The following BMPR2 variants were observed in gnomAD, a reference collection of about 807,000 sequenced individuals.
BMPR2 encodes bone morphogenetic protein receptor type 2.
A neutral mutation model predicts 100.8 loss-of-function variants in BMPR2; 29 were observed. That is an observed-to-expected ratio of 0.29 (90% CI 0.21 to 0.39). BMPR2 has a LOEUF of 0.39. Among genes scored for constraint, BMPR2 ranks in the 10% least tolerant of loss-of-function variants. The pLI is 1.00. For missense variants in BMPR2, 1,011 were observed against 1,274.5 expected, an observed-to-expected ratio of 0.79 and a Z score of 3.15; for synonymous variants, 382 against 442.3, an observed-to-expected ratio of 0.86 and a Z score of 1.71.
chr2:202,396,924 A>G (rs1307367294), intron 1 of BMPR2, among the ~76,000 whole-genome samples: 1 of 151,956 alleles, frequency 6.6e-6, no homozygotes, highest in African/African-American at 2.4e-5. Flanking sequence ...CAGCCTCCCA[A>G]GTAGCTGGGA....
chr2:202,392,678 A>T (rs992445457), intron 1 of BMPR2, among the ~76,000 whole-genome samples: 2 of 152,038 alleles, frequency 1.3e-5, no homozygotes, highest in African/African-American at 4.8e-5. Context: ...TAGTTGTTTG[A>T]GTTTCTAGCT....
At chr2:202,386,915 C>T (rs1690440840) in intron 1 of BMPR2, among the ~76,000 whole-genome samples, 1 of 152,136 alleles carries the variant, frequency 6.6e-6, no homozygotes, top group East Asian at 1.9e-4. Flanking sequence ...AATCTCCTGA[C>T]CTCGTGATCT....
At chr2:202,450,817 A>G (rs34758780) in intron 1 of BMPR2, among the ~76,000 whole-genome samples, 18,062 of 152,034 alleles carry the variant, frequency 0.12, 1,190 homozygotes, top group Admixed American at 0.14. Context: ...ATTATGTTAG[A>G]TTAAGATACT....
chr2:202,480,941 C>T (rs1013140597), intron 3 of BMPR2, among the ~76,000 whole-genome samples: 6 of 123,800 alleles, frequency 4.8e-5, no homozygotes, highest in Admixed American at 3.1e-4. Flanking sequence ...GGCGACAGAC[C>T]GAGACTCCGT....
chr2:202,385,383 T>TTTTTTTTTTTTA (rs869095713), intron 1 of BMPR2, among the ~76,000 whole-genome samples: 1 of 145,728 alleles, frequency 6.9e-6, no homozygotes, highest in Non-Finnish European at 1.5e-5. Context: ...TTTTTTTTTT[T>TTTTTTTTTTTTA]GAGACGGAGT....
chr2:202,484,033 G>A (rs1407621567), intron 3 of BMPR2, among the ~76,000 whole-genome samples: 1 of 152,218 alleles, frequency 6.6e-6, no homozygotes, highest in African/African-American at 2.4e-5. Context: ...GTTTGAGGCT[G>A]CAGTGAGGTG....
chr2:202,478,256 C>T (rs147922185), intron 3 of BMPR2, among the ~76,000 whole-genome samples: 57 of 152,266 alleles, frequency 3.7e-4, no homozygotes, highest in African/African-American at 1.3e-3. Flanking sequence ...GGCTGTGATA[C>T]ACCTTCAGGA....
At chr2:202,479,110 A>G (rs558185160) in intron 3 of BMPR2, among the ~76,000 whole-genome samples, 1 of 152,314 alleles carries the variant, frequency 6.6e-6, no homozygotes, top group African/African-American at 2.4e-5. Flanking sequence ...AAGTGATGGT[A>G]TATCACTTCT....
intron 1 of BMPR2, among the ~76,000 whole-genome samples, chr2:202,433,786 T>C (rs2105932966): frequency 6.6e-6 from 1 of 150,522 alleles, no homozygotes; most frequent in African/African-American, 2.5e-5. Context: ...CGTGCGCCTG[T>C]AGTCCCAGCT....
intron 1 of BMPR2, among the ~76,000 whole-genome samples, chr2:202,389,837 T>G (rs1473258104): frequency 6.6e-6 from 1 of 151,786 alleles, no homozygotes; most frequent in Non-Finnish European, 1.5e-5. Flanking sequence ...GATGGGTTTT[T>G]CCATGTTGGT....
chr2:202,383,570 C>A (rs567050864), intron 1 of BMPR2, among the ~76,000 whole-genome samples: 1 of 151,684 alleles, frequency 6.6e-6, no homozygotes, highest in Non-Finnish European at 1.5e-5. Flanking sequence ...ATCCCAGCTA[C>A]TCGGGAGGCT....
chr2:202,411,167 A>T (rs930048451), intron 1 of BMPR2, among the ~76,000 whole-genome samples: 4 of 152,182 alleles, frequency 2.6e-5, no homozygotes, highest in Non-Finnish European at 5.9e-5. Flanking sequence ...ATACTTATTC[A>T]TTACAAAGGG....
intron 3 of BMPR2, among the ~76,000 whole-genome samples, chr2:202,499,624 CCT>C (rs1687333292): frequency 6.6e-6 from 1 of 152,152 alleles, no homozygotes; most frequent in South Asian, 2.1e-4. Context: ...AATATACTCC[CCT>C]GTCACCTGAA....
intron 1 of BMPR2, among the ~76,000 whole-genome samples, chr2:202,446,003 C>T (rs1174862919): frequency 1.3e-5 from 2 of 149,972 alleles, no homozygotes; most frequent in South Asian, 4.2e-4. Context: ...CTTGATCTCC[C>T]GACCTCGTGA....
intron 3 of BMPR2, among the ~76,000 whole-genome samples, chr2:202,497,042 C>T (rs1419470408): frequency 6.6e-6 from 1 of 152,232 alleles, no homozygotes; most frequent in African/African-American, 2.4e-5. Flanking sequence ...CAATGAGGGG[C>T]TTAGCACCCG....
chr2:202,413,355 A>C (rs1285582474), intron 1 of BMPR2, among the ~76,000 whole-genome samples: 1 of 152,236 alleles, frequency 6.6e-6, no homozygotes, highest in African/African-American at 2.4e-5. Context: ...TGAGTTATAC[A>C]GGCATGAATT....
At position 202,376,515 on chromosome 2, in the gene BMPR2, G is replaced by A. The variant is rs1464362270; in HGVS notation, c.-960G>A. Among the ~76,000 whole-genome samples, 1 of 133,886 alleles carries A rather than the reference G, an allele frequency of 7.5e-6. No homozygotes were observed. Among genetic ancestry groups the A allele is most frequent in the African/African-American group, 2.8e-5 (1 of 35,750 alleles). The allele number at this position is 133,886 out of a possible 152,430, so 87.8% of individuals were successfully genotyped here. A position where few individuals can be genotyped will look rare whatever the true frequency, so the allele number is the denominator to read the frequency against. On this transcript the variant is annotated 5_prime_UTR_variant, in exon 1 of 13. Transcript: ENST00000374580. ...GCCCAGAGCTGCGGGAGAACGAGGC[G>A]GCGGCGGCGGCGGCGGCGGCGGCGG...
intron 1 of BMPR2, among the ~76,000 whole-genome samples, chr2:202,423,027 A>G (rs1294379521): frequency 6.6e-6 from 1 of 152,158 alleles, no homozygotes; most frequent in African/African-American, 2.4e-5. Flanking sequence ...ATTAGTAAAA[A>G]GTAGCAACAA....
intron 1 of BMPR2, among the ~76,000 whole-genome samples, chr2:202,463,735 A>C (rs1337427227): frequency 6.6e-6 from 1 of 152,250 alleles, no homozygotes. Flanking sequence ...AATGTTCTAC[A>C]AAAATTAGTT....
Sources: allele counts gnomAD v4.1 joint callset (sites outside exome capture counted in the v4.1 genomes callset), GRCh38; gene constraint gnomAD v4.1.1; transcripts MANE v1.5; gene names NCBI Gene and HGNC (gene_info 2026-07-23, HGNC 2026-07-21).